Variants in ERVFRD-1 observed in about 807,000 individuals in gnomAD.
ERVFRD-1 encodes the protein syncytin-2.
In ERVFRD-1, 33 loss-of-function variants were observed where a neutral mutation model predicts 43.8. The ratio of observed to expected loss-of-function variants is 0.75; its 90% CI spans 0.57 to 1.01. ERVFRD-1 has a LOEUF of 1.01. Among genes scored for constraint, ERVFRD-1 ranks in the 50% least tolerant of loss-of-function variants. ERVFRD-1 has a pLI of 0.00. For synonymous variants in ERVFRD-1, 239 were observed against 244.4 expected, an observed-to-expected ratio of 0.98 and a Z score of 0.21; for missense variants, 568 against 658.4, an observed-to-expected ratio of 0.86 and a Z score of 1.50.
chr6:11,102,536 C>T lies in ERVFRD-1; in HGVS notation c.*1158G>A, dbSNP rs1034495097. 2 of 152,170 alleles carry T rather than the reference C, an allele frequency of 1.3e-5. No homozygotes were observed. The allele number at this position is 152,170 out of a possible 1,614,324, so 9.4% of individuals were successfully genotyped here. ...TGAGCAAGGGTGATTCATGAACAGG[C>T]AGGGCCAAACTGCAAGCAACTGGGT... On this transcript the variant is annotated 3_prime_UTR_variant, in exon 2 of 2. Transcript: ENST00000472091.
At position 11,104,269 on chromosome 6, in the gene ERVFRD-1, C is replaced by A; in HGVS notation, c.1042G>T (p.Val348Leu). 2.6e-6 allele frequency: 4 copies of A among 1,551,676 alleles called. No homozygotes were observed. Among genetic ancestry groups the A allele is most frequent in the Admixed American group, 2.0e-5 (1 of 51,012 alleles). Residue 348 changes from valine (V) to leucine (L), a missense_variant, in exon 2 of 2, where the codon GTG becomes TTG. Val to Leu is a conservative substitution (Grantham distance 32, BLOSUM62 1). Transcript: ENST00000472091. ...GGAATGAAATGGATTGCCCTCCTCA[C>A]CCTGGGCAACGGGGAATTCCCATAG... ...PIYGNSPLPR[V>L]RRAIHFIPLL... is the part of the protein sequence containing the mutation.
At position 11,104,513 on chromosome 6, in the gene ERVFRD-1, G is replaced by A. The variant is rs1758052805; in HGVS notation, c.798C>T (p.Tyr266=). 4.5e-6 allele frequency: 7 copies of A among 1,563,184 alleles called. No individual in the cohort carries two copies. Among genetic ancestry groups the A allele is most frequent in the Non-Finnish European group, 6.1e-6 (7 of 1,153,090 alleles). The part of the protein sequence containing the change: ...VLAGMTIATS[Y]LGISAVSEFF... ...ATTCTGAGACTGCTGATATGCCCAG[G>A]TAGCTGGTGGCTATAGTCATGCCTG... is the stretch of plus-strand genomic sequence containing the variant. The change falls in exon 2 of 2, where the codon TAC becomes TAT. Residue 266 remains tyrosine, a synonymous_variant. Transcript: ENST00000472091.
Position 11,105,017 on chromosome 6 carries a change from T to C in ERVFRD-1, c.294A>G (p.Gln98=), listed in dbSNP as rs141542647. The C allele has an allele frequency of 2.2e-5, 35 of 1,614,090 alleles. No homozygotes were observed. The African/African-American group carries it at 4.7e-4, about 22-fold the overall frequency. ...GTTTCTGGCGGATATCAGGGAAATC[T>C]TGCTTTACTGTTGAAAGAAGACTAT... ...PANSLLSTVK[Q]DFPDIRQKPP... The change falls in exon 2 of 2, where the codon CAA becomes CAG. Residue 98 remains glutamine, a synonymous_variant. Transcript: ENST00000472091.
rs184098509 is a variant in ERVFRD-1, at chr6:11,107,588, T to C, written c.-320-1958A>G. On this transcript the variant is annotated intron_variant, in intron 1 of 1. Transcript: ENST00000472091. ...TCTCCCACTCAAATGCAAATAGAAA[T>C]TGGGAGGATGGGTCGAGGGGGAGAT... Among the ~76,000 whole-genome samples the C allele has an allele frequency of 3.8e-4, 58 of 152,202 alleles. No individual in the cohort carries two copies. In the South Asian group the frequency reaches 7.9e-3, roughly 21 times the overall value.
In ERVFRD-1 at chr6:11,103,537, G is replaced by A; in HGVS notation, c.*157C>T. On this transcript the variant is annotated 3_prime_UTR_variant, in exon 2 of 2. Transcript: ENST00000472091. ...TTAACTGCTTCCTGCTGACAGAGGG[G>A]CTGTAGTGGTTGTTCTGTGGGTCTT... 9.3e-7 allele frequency: 1 copy of A among 1,073,564 alleles called. No individual in the cohort carries two copies. The highest frequency in any genetic ancestry group is 1.9e-5 in the South Asian group (1 of 51,360). The allele number at this position is 1,073,564 out of a possible 1,614,324, so 66.5% of individuals were successfully genotyped here.
At chr6:11,107,231 G>A (rs985026815) in intron 1 of ERVFRD-1, among the ~76,000 whole-genome samples, 3 of 152,202 alleles carry the variant, frequency 2.0e-5, no homozygotes, top group Non-Finnish European at 2.9e-5. Context: ...CCTGGTAGTG[G>A]CAGTAAGGAA....
At chr6:11,110,417 A>G (rs1758149841) in intron 1 of ERVFRD-1, among the ~76,000 whole-genome samples, 1 of 152,162 alleles carries the variant, frequency 6.6e-6, no homozygotes, top group African/African-American at 2.4e-5. Flanking sequence ...CTAGCAACAG[A>G]ATGATTATCT....
chr6:11,111,066 G>A (rs533468015), intron 1 of ERVFRD-1, among the ~76,000 whole-genome samples: 3 of 152,320 alleles, frequency 2.0e-5, no homozygotes, highest in African/African-American at 7.2e-5. Context: ...GACAGGGAAA[G>A]GGTTGGAGGT....
In ERVFRD-1 at chr6:11,111,373, G is replaced by A. The variant is rs561159750; in HGVS notation, c.-321+304C>T. ...GAAAGAGCTGATTTTAGTTGAAAAA[G>A]CAGAGGAAACCCCAGATACTACATG... On this transcript the variant is annotated intron_variant, in intron 1 of 1. Transcript: ENST00000472091. Among the ~76,000 whole-genome samples the A allele has an allele frequency of 5.9e-5, 9 of 152,278 alleles. No individual in the cohort carries two copies. In the South Asian group the frequency reaches 1.9e-3, roughly 32 times the overall value.
chr6:11,110,702 T>C (rs1581914800), intron 1 of ERVFRD-1, among the ~76,000 whole-genome samples: 2 of 152,322 alleles, frequency 1.3e-5, no homozygotes, highest in East Asian at 1.9e-4. Flanking sequence ...GGAATACTCA[T>C]GGAAAGCCTT....
chr6:11,105,587 T>A lies in ERVFRD-1; in HGVS notation c.-277A>T, dbSNP rs746306907. 1.2e-4 allele frequency: 46 copies of A among 387,608 alleles called. No individual in the cohort carries two copies. Among genetic ancestry groups the A allele is most frequent in the Non-Finnish European group, 1.9e-4 (38 of 204,274 alleles). The allele number at this position is 387,608 out of a possible 1,614,324, so 24.0% of individuals were successfully genotyped here. On this transcript the variant is annotated 5_prime_UTR_variant, in exon 2 of 2. It adds an upstream start codon to the 5' untranslated region. Coordinates refer to ENST00000472091, the MANE Select transcript of ERVFRD-1 (RefSeq NM_207582.3). The stretch of plus-strand genomic sequence containing the variant: ...TTTAAGGGCTTTTCCACAGCTTCAC[T>A]TGGGTGTGATGGATCTAGCTGGCAG...
At chr6:11,105,985 T>C (rs1758077636) in intron 1 of ERVFRD-1, among the ~76,000 whole-genome samples, 1 of 152,166 alleles carries the variant, frequency 6.6e-6, no homozygotes, top group African/African-American at 2.4e-5. Flanking sequence ...CCCATGGCTG[T>C]GCTGTTTCCT....
intron 1 of ERVFRD-1, among the ~76,000 whole-genome samples, chr6:11,109,284 A>G (rs560951345): frequency 6.6e-6 from 1 of 152,284 alleles, no homozygotes; most frequent in East Asian, 1.9e-4. Context: ...CCCTAGTTCC[A>G]TTTTAATTTG....
chr6:11,103,988 C>G lies in ERVFRD-1; in HGVS notation c.1323G>C (p.Trp441Cys), dbSNP rs1758040797. The G allele has an allele frequency of 6.4e-7, 1 of 1,551,646 alleles. No homozygotes were observed. Among genetic ancestry groups the G allele is most frequent in the East Asian group, 2.4e-5 (1 of 40,926 alleles). Reference sequence around the variant, plus strand: ...CTTGTACTTTTCCTGATTGATTTACCCAAAAGCAACATTTTTCATCTAAGG... The same window carrying G: ...CTTGTACTTTTCCTGATTGATTTACGCAAAAGCAACATTTTTCATCTAAGG... ...CLALDEKCCFWVNQSGKVQDN... is the reference protein window; with the variant it reads ...CLALDEKCCFCVNQSGKVQDN... Residue 441 changes from tryptophan to cysteine, a missense_variant, in exon 2 of 2, where the codon TGG becomes TGC. By Grantham distance (215) the Trp-to-Cys change is radical. Transcript: ENST00000472091.
rs143721357 is a variant in ERVFRD-1 at position 11,107,237 on chromosome 6, A to G, written c.-320-1607T>C. Among the ~76,000 whole-genome samples the G allele has an allele frequency of 1.8e-3, 274 of 152,356 alleles. 2 individuals carry two copies. Among genetic ancestry groups the G allele is most frequent in the East Asian group, 7.7e-4 (4 of 5,192 alleles). On this transcript the variant is annotated intron_variant, in intron 1 of 1. Transcript: ENST00000472091. ...TTATGGTCTCCTGGTAGTGGCAGTA[A>G]GGAAACTGAGTTAAGGGTGGAACAC...
Position 11,105,356 on chromosome 6 carries a change from T to C in ERVFRD-1, c.-46A>G. On this transcript the variant is annotated 5_prime_UTR_variant, in exon 2 of 2. Transcript: ENST00000472091. ...TCACAAAACGAGCTGCCAATGGAAC[T>C]CCTGGTGGTGTACAAGTTAGGGTTA... 1 of 1,440,720 alleles carries C rather than the reference T, an allele frequency of 6.9e-7. No homozygotes were observed. The allele number at this position is 1,440,720 out of a possible 1,614,324, so 89.2% of individuals were successfully genotyped here. A position where few individuals can be genotyped will look rare whatever the true frequency, so the allele number is the denominator to read the frequency against.
chr6:11,105,065 C>T lies in ERVFRD-1; in HGVS notation c.246G>A (p.Leu82=). 6.2e-7 allele frequency: 1 copy of T among 1,614,192 alleles called. No individual in the cohort carries two copies. ...LHISYRWDPN[L]KGLMRPANSL... ...TATTTGCAGGCCTCATCAGTCCTTT[C>T]AGATTAGGGTCCCATCGATAGGAAA... The change falls in exon 2 of 2, where the codon CTG becomes CTA. Residue 82 remains leucine (L), a synonymous_variant. Coordinates refer to ENST00000472091, the MANE Select transcript of ERVFRD-1 (RefSeq NM_207582.3).
In ERVFRD-1 at chr6:11,105,462, G is replaced by T; in HGVS notation, c.-152C>A. 1.6e-6 allele frequency: 1 copy of T among 619,058 alleles called. No individual in the cohort carries two copies. The highest frequency in any genetic ancestry group is 2.9e-6 in the Non-Finnish European group (1 of 347,520). The allele number at this position is 619,058 out of a possible 1,614,324, so 38.3% of individuals were successfully genotyped here. On this transcript the variant is annotated 5_prime_UTR_variant, in exon 2 of 2. Coordinates refer to ENST00000472091, the MANE Select transcript of ERVFRD-1 (RefSeq NM_207582.3). ...CTTACTTTGAGGTGAAAGGATGTTG[G>T]TGGGGCATTACTTATCTTTTTGTTT... is the stretch of plus-strand genomic sequence containing the variant.
chr6:11,109,005 A>T, intron 1 of ERVFRD-1, among the ~76,000 whole-genome samples: 1 of 152,172 alleles, frequency 6.6e-6, no homozygotes. Context: ...ATAGAGGAAC[A>T]TGTGGGTCCT....
Sources: gnomAD v4.1 joint callset for allele counts (sites outside exome capture counted in the v4.1 genomes callset) on GRCh38, gnomAD v4.1.1 for gene constraint, MANE v1.5 for transcripts, NCBI Gene and HGNC (gene_info 2026-07-23, HGNC 2026-07-21) for gene names.